BICC1: variants seen among roughly 807,000 people sequenced by gnomAD.
BICC1 encodes the protein BicC family RNA binding protein 1, also known as protein bicaudal C homolog 1.
Under a neutral mutation model 111.0 loss-of-function variants are expected in BICC1, and 43 were observed. The ratio of observed to expected loss-of-function variants is 0.39; its 90% CI spans 0.30 to 0.50. The LOEUF is 0.50. Ranked by LOEUF, BICC1 falls within the 20% of genes least tolerant of loss-of-function variation. The pLI, the probability that BICC1 is intolerant of heterozygous loss-of-function variation, is 0.88. For synonymous variants in BICC1, 467 were observed against 434.4 expected (o/e 1.07, Z -0.93); for missense variants, 1,091 against 1,203.2 (o/e 0.91, Z 1.38).
At position 58,831,383 on chromosome 10, in the gene BICC1, C is replaced by G. The variant is rs1390143266; in HGVS notation, c.*2492C>G. ...AAATGGGAAATTTTTCTAACTGAAT[C>G]AATTGTTACATGAAAAATAAATTTA... On this transcript the variant is annotated 3_prime_UTR_variant, in exon 21 of 21. Coordinates refer to ENST00000373886, the MANE Select transcript of BICC1 (RefSeq NM_001080512.3). The G allele has an allele frequency of 6.6e-6, 1 of 151,838 alleles. No individual in the cohort carries two copies. Among genetic ancestry groups the G allele is most frequent in the Non-Finnish European group, 1.5e-5 (1 of 67,970 alleles). The allele number at this position is 151,838 out of a possible 1,614,324, so 9.4% of individuals were successfully genotyped here.
At chr10:58,719,545 C>T (rs1038717822) in intron 3 of BICC1, among the ~76,000 whole-genome samples, 6 of 151,790 alleles carry the variant, frequency 4.0e-5, no homozygotes, top group African/African-American at 9.7e-5. Flanking sequence ...CTCGCTCTGT[C>T]GCCCAGGCTG....
intron 3 of BICC1, among the ~76,000 whole-genome samples, chr10:58,755,895 A>G (rs1842130187): frequency 6.6e-6 from 1 of 151,954 alleles, no homozygotes; most frequent in Non-Finnish European, 1.5e-5. Context: ...GTGATTAGTC[A>G]CCTCACAGTT....
In BICC1 at chr10:58,685,490, T is replaced by C. The variant is rs192684635; in HGVS notation, c.238-16584T>C. On this transcript the variant is annotated intron_variant, in intron 2 of 20. Transcript: ENST00000373886. ...GGTGTTAAAATCTTCCGTTATTATTTTGTGGGAGTCTAAGTCTCTTTGTAG... is the reference window on the plus strand; with the variant it reads ...GGTGTTAAAATCTTCCGTTATTATTCTGTGGGAGTCTAAGTCTCTTTGTAG... 3.9e-5 allele frequency among the ~76,000 whole-genome samples: 6 copies of C among 152,254 alleles called. No homozygotes were observed. The East Asian group carries it at 1.2e-3, about 29-fold the overall frequency.
At position 58,796,245 on chromosome 10, in the gene BICC1, T is replaced by A; in HGVS notation, c.1180-95T>A. The A allele has an allele frequency of 5.8e-6, 6 of 1,034,130 alleles. No individual in the cohort carries two copies. The South Asian group carries it at 7.7e-5, about 13-fold the overall frequency. 64.1% of individuals were successfully genotyped at this position (1,034,130 alleles called of 1,614,324 possible). On this transcript the variant is annotated intron_variant, in intron 9 of 20. Transcript: ENST00000373886. ...TTGATATGTCCCCTGAGTGGAATTC[T>A]TATTAGCGTATTCATTTTCCACCTC...
chr10:58,757,541 A>G (rs1842181040), intron 3 of BICC1, among the ~76,000 whole-genome samples: 1 of 150,888 alleles, frequency 6.6e-6, no homozygotes. Context: ...AAGTGATGTT[A>G]TGGAGAGTAT....
At chr10:58,556,478 A>G (rs948694309) in intron 1 of BICC1, among the ~76,000 whole-genome samples, 3 of 152,172 alleles carry the variant, frequency 2.0e-5, no homozygotes, top group East Asian at 1.9e-4. Context: ...AAATATTTGT[A>G]TGGAGTTAAA....
At position 58,790,036 on chromosome 10, in the gene BICC1, G is replaced by A. The variant is rs1394695613; in HGVS notation, c.1047+103G>A. 1.4e-5 allele frequency: 18 copies of A among 1,302,904 alleles called. No homozygotes were observed. In the East Asian group the frequency reaches 1.4e-4, roughly 10 times the overall value. The allele number at this position is 1,302,904 out of a possible 1,614,324, so 80.7% of individuals were successfully genotyped here. On this transcript the variant is annotated intron_variant, in intron 8 of 20. Coordinates refer to ENST00000373886, the MANE Select transcript of BICC1 (RefSeq NM_001080512.3). ...AATGTGATATTTAGGAAAGCACTTC[G>A]GAAGCCTCGTCAAATAAGGAAGTTT...
intron 1 of BICC1, among the ~76,000 whole-genome samples, chr10:58,597,071 A>G (rs1199646865): frequency 6.6e-6 from 1 of 152,194 alleles, no homozygotes; most frequent in African/African-American, 2.4e-5. Context: ...TATTGGGGGA[A>G]CCCACCCCCA....
chr10:58,543,833 TA>T (rs11393752), intron 1 of BICC1, among the ~76,000 whole-genome samples: 61,742 of 134,790 alleles, frequency 0.46, 14,269 homozygotes, highest in Admixed American at 0.61. Context: ...TAACCATAAT[TA>T]AAAAAAAAAA....
At position 58,620,931 on chromosome 10, in the gene BICC1, ATAAG is replaced by A. The variant is rs1188849013; in HGVS notation, c.237+35_237+38del. The A allele has an allele frequency of 1.0e-5, 16 of 1,604,378 alleles. No homozygotes were observed. In the Admixed American group the frequency reaches 2.5e-4, roughly 25 times the overall value. ...GTTGTCTTTTACTCTTGTCATGGTG[ATAAG>A]TAAGAGGAAATATACTTATCTCAAC... On this transcript the variant is annotated intron_variant, in intron 2 of 20. Transcript: ENST00000373886.
intron 3 of BICC1, among the ~76,000 whole-genome samples, chr10:58,769,777 T>C (rs1276996726): frequency 1.3e-5 from 2 of 152,084 alleles, no homozygotes; most frequent in Non-Finnish European, 2.9e-5. Flanking sequence ...TGTACTTTAC[T>C]ACCTGTACCT....
chr10:58,573,769 G>A (rs1297951987), intron 1 of BICC1, among the ~76,000 whole-genome samples: 6 of 152,226 alleles, frequency 3.9e-5, no homozygotes, highest in African/African-American at 1.4e-4. Flanking sequence ...GAAGCAGAAA[G>A]GGAAGTTGTT....
intron 1 of BICC1, among the ~76,000 whole-genome samples, chr10:58,603,198 AAG>A (rs773123055): frequency 6.6e-6 from 1 of 152,188 alleles, no homozygotes; most frequent in Admixed American, 6.5e-5. Context: ...GAGTAATTAA[AAG>A]AGAGAATTGT....
intron 15 of BICC1, 37 bp downstream of exon 15, chr10:58,803,279 A>G (rs1843609935): frequency 7.8e-6 from 12 of 1,539,038 alleles, no homozygotes; most frequent in East Asian, 4.6e-5. Flanking sequence ...CTCAAATGTC[A>G]TATGTTTGGG....
chr10:58,774,652 A>G (rs1260371856), intron 3 of BICC1, among the ~76,000 whole-genome samples: 1 of 152,172 alleles, frequency 6.6e-6, no homozygotes, highest in African/African-American at 2.4e-5. Flanking sequence ...AAATTATGAT[A>G]TTGTGATCCT....
In BICC1 at chr10:58,800,184, A is replaced by G. The variant is rs1380646806; in HGVS notation, c.1726-10A>G. On this transcript the variant is annotated splice_polypyrimidine_tract_variant and intron_variant, in intron 12 of 20. Coordinates refer to ENST00000373886, the MANE Select transcript of BICC1 (RefSeq NM_001080512.3). Reference sequence around the variant, plus strand: ...CCATATTTATACATTATTTTCTATTATTATTTTAGTCTCCAGATATAAAAT... The same window carrying G: ...CCATATTTATACATTATTTTCTATTGTTATTTTAGTCTCCAGATATAAAAT... The G allele has an allele frequency of 6.4e-7, 1 of 1,565,736 alleles. No individual in the cohort carries two copies. The highest frequency in any genetic ancestry group is 1.4e-5 in the African/African-American group (1 of 73,178).
rs575217031 is a variant in BICC1, at chr10:58,745,709, A to G, written c.308-39292A>G. Among the ~76,000 whole-genome samples, 516 of 146,358 alleles carry G rather than the reference A, an allele frequency of 3.5e-3. 1 individual carries two copies. The highest frequency in any genetic ancestry group is 4.8e-3 in the Non-Finnish European group (320 of 67,244). On this transcript the variant is annotated intron_variant, in intron 3 of 20. Coordinates refer to ENST00000373886, the MANE Select transcript of BICC1 (RefSeq NM_001080512.3). ...TCTTCTGCCTCCCTCTTCCACCTTTAAGGAGCCTTATGATTACATTAGGGC... is the reference window on the plus strand; with the variant it reads ...TCTTCTGCCTCCCTCTTCCACCTTTGAGGAGCCTTATGATTACATTAGGGC...
At chr10:58,608,119 T>G (rs1229805633) in intron 1 of BICC1, among the ~76,000 whole-genome samples, 1 of 152,178 alleles carries the variant, frequency 6.6e-6, no homozygotes, top group Non-Finnish European at 1.5e-5. Context: ...ATACAACCCC[T>G]TTGTGGGTGT....
At chr10:58,806,931 A>C in intron 16 of BICC1, 73 bp from the exon 17 acceptor site, 1 of 1,357,878 alleles carries the variant, frequency 7.4e-7, no homozygotes, top group Non-Finnish European at 1.0e-6. Flanking sequence ...CAAAGAAACG[A>C]CACTTATCAT....
Sources: gnomAD v4.1 joint callset for allele counts (sites outside exome capture counted in the v4.1 genomes callset) on GRCh38, gnomAD v4.1.1 for gene constraint, MANE v1.5 for transcripts, NCBI Gene and HGNC (gene_info 2026-07-23, HGNC 2026-07-21) for gene names.